USP42: variants seen among roughly 807,000 people sequenced by gnomAD.
The protein encoded by USP42 is ubiquitin specific peptidase 42, also known as ubiquitin carboxyl-terminal hydrolase 42.
In USP42, 23 loss-of-function variants were observed where a neutral mutation model predicts 113.0. The observed-to-expected ratio is 0.20, with a 90% CI of 0.15 to 0.29. USP42 has a LOEUF of 0.29. Ranked by LOEUF, USP42 falls within the 10% of genes least tolerant of loss-of-function variation. USP42 has a pLI of 1.00. For synonymous variants in USP42, 933 were observed against 699.0 expected (o/e 1.33, Z -5.28); for missense variants, 2,174 against 1,779.8 (o/e 1.22, Z -3.99).
At chr7:6,135,691 T>C (rs1007917623) in intron 3 of USP42, 150 bp from the exon 4 acceptor site, 1 of 278,458 alleles carries the variant, frequency 3.6e-6, no homozygotes, top group Non-Finnish European at 6.5e-6. Context: ...CAAAAAAAAG[T>C]AAATGAAAAT....
the USP42 span, among the ~76,000 whole-genome samples, chr7:6,085,651 G>A: frequency 9.6e-5 from 14 of 145,786 alleles, no homozygotes; most frequent in Middle Eastern, 3.5e-3. Context: ...GTCTTGCTCC[G>A]TTGCCCAGGC....
At chr7:6,087,686 C>T in the USP42 span, among the ~76,000 whole-genome samples, 29 of 150,958 alleles carry the variant, frequency 1.9e-4, no homozygotes, top group Non-Finnish European at 3.1e-4. Flanking sequence ...TATTTTTCAG[C>T]GAGAGTGTGA....
At chr7:6,089,220 T>G in the USP42 span, among the ~76,000 whole-genome samples, 13 of 148,600 alleles carry the variant, frequency 8.7e-5, 1 homozygote, top group African/African-American at 3.3e-4. Context: ...AATTTTTTTT[T>G]TTTTTGTATT....
intron 2 of USP42, among the ~76,000 whole-genome samples, chr7:6,114,690 T>A (rs1321743442): frequency 1.3e-5 from 1 of 78,896 alleles, no homozygotes; most frequent in African/African-American, 5.3e-5. Context: ...TTTTTTTTTT[T>A]TTTTTTTTTT....
At chr7:6,116,205 A>G (rs966260418) in intron 3 of USP42, among the ~76,000 whole-genome samples, 1 of 151,926 alleles carries the variant, frequency 6.6e-6, no homozygotes. Flanking sequence ...AGGCTCAATC[A>G]TTTACATGCT....
chr7:6,135,705 T>A (rs368785805), intron 3 of USP42, 136 bp from the exon 4 acceptor site: 48 of 222,076 alleles, frequency 2.2e-4, no homozygotes, highest in East Asian at 3.4e-4. Context: ...TGAAAATGCA[T>A]AAAAGTAGAT....
chr7:6,146,019 G>A (rs545690261), intron 10 of USP42, 129 bp from the exon 11 acceptor site: 20 of 745,924 alleles, frequency 2.7e-5, no homozygotes, highest in African/African-American at 3.6e-5. Flanking sequence ...GCAAGATCAC[G>A]CCACTGCACT....
chr7:6,139,053 G>C lies in USP42; in HGVS notation c.554-39G>C. 7.3e-7 allele frequency: 1 copy of C among 1,378,654 alleles called. No individual in the cohort carries two copies. Among genetic ancestry groups the C allele is most frequent in the African/African-American group, 1.4e-5 (1 of 69,712 alleles). The allele number at this position is 1,378,654 out of a possible 1,614,324, so 85.4% of individuals were successfully genotyped here. On this transcript the variant is annotated intron_variant, in intron 4 of 17. Coordinates refer to ENST00000306177, the MANE Select transcript of USP42 (RefSeq NM_032172.3). The surrounding 1 kb of genome is among the most constrained non-coding windows in gnomAD (Gnocchi z 4.5). Reference sequence around the variant, plus strand: ...GGGGGGTACAACTTAGGCTTATTACGTGTAATGATAAAGCCTTGTCTTTAC... The same window carrying C: ...GGGGGGTACAACTTAGGCTTATTACCTGTAATGATAAAGCCTTGTCTTTAC...
At chr7:6,153,367 C>G (rs931513808) in intron 14 of USP42, among the ~76,000 whole-genome samples, 1 of 151,500 alleles carries the variant, frequency 6.6e-6, no homozygotes, top group African/African-American at 2.4e-5. Flanking sequence ...GAGCCTAGAA[C>G]TCTAGGATTA....
chr7:6,155,221 G>T, intron 15 of USP42, 26 bp downstream of exon 15: 1 of 1,503,426 alleles, frequency 6.7e-7, no homozygotes, highest in South Asian at 1.3e-5. Context: ...TGTGCTCCCC[G>T]AGGCGCTGGC....
At chr7:6,096,903 T>C in the USP42 span, among the ~76,000 whole-genome samples, 6 of 147,812 alleles carry the variant, frequency 4.1e-5, no homozygotes, top group South Asian at 2.1e-4. Context: ...CACTCCAGGA[T>C]GCCATCATTT....
the USP42 span, among the ~76,000 whole-genome samples, chr7:6,093,452 A>C: frequency 6.6e-6 from 1 of 150,398 alleles, no homozygotes; most frequent in Non-Finnish European, 1.5e-5. Flanking sequence ...TGCTCGGGTA[A>C]CTTTTGTATT....
At chr7:6,081,756 C>A in the USP42 span, 2 of 152,190 alleles carry the variant, frequency 1.3e-5, no homozygotes, top group East Asian at 1.9e-4. Flanking sequence ...ACTGCGGGTT[C>A]GCTCCGGGCC....
intron 3 of USP42, among the ~76,000 whole-genome samples, chr7:6,120,575 C>T (rs1780170178): frequency 6.6e-6 from 1 of 151,744 alleles, no homozygotes; most frequent in Non-Finnish European, 1.5e-5. Flanking sequence ...GTTGGGATTT[C>T]AGGCATGAGC....
At chr7:6,091,890 G>C in the USP42 span, among the ~76,000 whole-genome samples, 1 of 150,390 alleles carries the variant, frequency 6.6e-6, no homozygotes, top group East Asian at 1.9e-4. Flanking sequence ...CTCTCAATCG[G>C]CATTTCTTCC....
At chr7:6,110,518 G>A (rs1040328254) in intron 1 of USP42, among the ~76,000 whole-genome samples, 1 of 151,996 alleles carries the variant, frequency 6.6e-6, no homozygotes, top group Non-Finnish European at 1.5e-5. Flanking sequence ...AATGGCTTAC[G>A]GGTTTTATTT....
At chr7:6,093,681 T>TCTCCCTCTTTCTCTCCCC in the USP42 span, among the ~76,000 whole-genome samples, 1 of 145,874 alleles carries the variant, frequency 6.9e-6, no homozygotes, top group Non-Finnish European at 1.5e-5. Flanking sequence ...TTTCTCTTCC[T>TCTCCCTCTTTCTCTCCCC]CTCCCTCTTT....
Position 6,156,771 on chromosome 7 carries a change from A to G in USP42, c.3659A>G (p.Asp1220Gly). 1.3e-6 allele frequency: 2 copies of G among 1,557,682 alleles called. No individual in the cohort carries two copies. ...TTCTGCAGGCATCAGCAGGACTCAG[A>G]CCTCTCAGCAGCGTGCTCTGACGCT... ...DRDSRHQQDS[D>G]LSAACSDADL... The change falls in exon 16 of 18, where the codon GAC (aspartate) becomes GGC (glycine). Residue 1220 changes from aspartate (D) to glycine (G), a missense_variant. Transcript: ENST00000306177.
At chr7:6,102,138 C>T (rs1300503304), upstream of USP42, among the ~76,000 whole-genome samples, 21 of 133,300 alleles carry the variant, frequency 1.6e-4, 1 homozygote, top group African/African-American at 6.3e-4. Context: ...TTGAGACAGA[C>T]GGAATCTCAC....
Sources: gnomAD v4.1 joint callset for allele counts (sites outside exome capture counted in the v4.1 genomes callset) on GRCh38, gnomAD v4.1.1 for gene constraint, Gnocchi (gnomAD v3.1) non-coding constraint, MANE v1.5 for transcripts, NCBI Gene and HGNC (gene_info 2026-07-23, HGNC 2026-07-21) for gene names.